ROS1: variants seen among roughly 807,000 people sequenced by gnomAD.
ROS1 encodes the protein ROS proto-oncogene 1, receptor tyrosine kinase.
A neutral mutation model predicts 273.5 loss-of-function variants in ROS1; 263 were observed. That is an observed-to-expected ratio of 0.96 (90% CI 0.87 to 1.06). The LOEUF (loss-of-function observed/expected upper bound fraction) is 1.06, where lower values mean the gene tolerates loss of function less well. Ranked by LOEUF, ROS1 falls within the 50% of genes least tolerant of loss-of-function variation. ROS1 has a pLI of 0.00. For synonymous variants in ROS1, 1,008 were observed against 954.1 expected (o/e 1.06, Z -1.04); for missense variants, 2,833 against 2,751.1 (o/e 1.03, Z -0.67).
At chr6:117,421,152 G>A (rs184497414) in intron 1 of ROS1, among the ~76,000 whole-genome samples, 10 of 147,840 alleles carry the variant, frequency 6.8e-5, no homozygotes, top group Admixed American at 2.0e-4. Context: ...ATGCTTTTTA[G>A]CCATTTTTAT....
At chr6:117,411,194 C>T (rs149483585) in intron 4 of ROS1, among the ~76,000 whole-genome samples, 1 of 151,632 alleles carries the variant, frequency 6.6e-6, no homozygotes, top group Non-Finnish European at 1.5e-5. Flanking sequence ...GGAGGCAAAG[C>T]TAACAACTAC....
chr6:117,360,026 A>T lies in ROS1; in HGVS notation c.3431-15T>A. 1.2e-6 allele frequency: 2 copies of T among 1,601,082 alleles called. No homozygotes were observed. Among genetic ancestry groups the T allele is most frequent in the South Asian group, 1.1e-5 (1 of 90,474 alleles). On this transcript the variant is annotated splice_polypyrimidine_tract_variant and intron_variant, in intron 23 of 43. Transcript: ENST00000368507. ...TGGGTTGATTTCTGAAAGCAAAAAA[A>T]CATGTAGATAATATGCATGAGAAAA...
intron 38 of ROS1, 81 bp downstream of exon 38, chr6:117,318,105 TCA>T (rs1298129838): frequency 2.1e-6 from 2 of 946,296 alleles, no homozygotes; most frequent in African/African-American, 3.2e-5. Flanking sequence ...ATCCGTTAAG[TCA>T]TGTCATTTTG....
intron 31 of ROS1, among the ~76,000 whole-genome samples, chr6:117,339,718 G>A (rs182735014): frequency 2.0e-5 from 3 of 152,212 alleles, no homozygotes; most frequent in Admixed American, 2.0e-4. Flanking sequence ...AACCTGTGTT[G>A]AGCAAATGTG....
chr6:117,369,814 A>G lies in ROS1; in HGVS notation c.2583-3524T>C, dbSNP rs375988317. Among the ~76,000 whole-genome samples, 483 of 152,242 alleles carry G rather than the reference A, an allele frequency of 3.2e-3. 2 individuals are homozygous for G. The highest frequency in any genetic ancestry group is 0.011 in the African/African-American group (460 of 41,544). On this transcript the variant is annotated intron_variant, in intron 18 of 43. Transcript: ENST00000368507. ...ATACTTGATATGAAGTAATTGATCAATCAGATTTGTTGTGTTTATGTGCTT... is the reference window on the plus strand; with the variant it reads ...ATACTTGATATGAAGTAATTGATCAGTCAGATTTGTTGTGTTTATGTGCTT...
At chr6:117,393,012 T>C (rs1342542989) in intron 12 of ROS1, among the ~76,000 whole-genome samples, 1 of 152,104 alleles carries the variant, frequency 6.6e-6, no homozygotes, top group African/African-American at 2.4e-5. Flanking sequence ...GAGAGAGAAA[T>C]AACTACTTTA....
intron 34 of ROS1, 123 bp downstream of exon 34, chr6:117,326,094 TATATATA>T: frequency 1.2e-4 from 2 of 16,740 alleles, no homozygotes; most frequent in Non-Finnish European, 2.5e-4. Context: ...AATAAGATTA[TATATATA>T]TATATATATA....
At chr6:117,375,826 A>G (rs1284461871) in intron 18 of ROS1, among the ~76,000 whole-genome samples, 1 of 152,114 alleles carries the variant, frequency 6.6e-6, no homozygotes, top group African/African-American at 2.4e-5. Context: ...AAAGCACCCA[A>G]ATACATTAAC....
chr6:117,414,955 C>G (rs1421327358), intron 3 of ROS1, among the ~76,000 whole-genome samples: 2 of 152,156 alleles, frequency 1.3e-5, no homozygotes, highest in African/African-American at 4.8e-5. Context: ...AGCAGCCACA[C>G]AGCCTCCTGG....
At chr6:117,414,581 G>A (rs1411475784) in intron 3 of ROS1, 36 bp from the exon 4 acceptor site, 1 of 721,804 alleles carries the variant, frequency 1.4e-6, no homozygotes, top group Non-Finnish European at 2.5e-6. Flanking sequence ...TTAAAATCTT[G>A]AAAGTTGTAA....
At position 117,357,862 on chromosome 6, in the gene ROS1, C is replaced by T. The variant is rs1223560262; in HGVS notation, c.3781G>A (p.Val1261Met). ...LEHKVKYPREVKIHNRNSTII... is the reference protein window; with the variant it reads ...LEHKVKYPREMKIHNRNSTII... ...GTTGAATTCCTATTGTGAATCTTCA[C>T]CTCTCTGGGATATTTCACCTTGTGT... Residue 1261 changes from valine to methionine, a missense_variant, in exon 25 of 44, where the codon GTG becomes ATG. Val to Met is a conservative substitution (Grantham distance 21). Transcript: ENST00000368507. 1 of 1,613,462 alleles carries T rather than the reference C, an allele frequency of 6.2e-7. No homozygotes were observed. The highest frequency in any genetic ancestry group is 1.3e-5 in the African/African-American group (1 of 74,926).
chr6:117,387,102 A>G (rs764740835), intron 14 of ROS1, 103 bp from the exon 15 acceptor site: 8 of 525,098 alleles, frequency 1.5e-5, no homozygotes, highest in Non-Finnish European at 2.0e-5. Context: ...GATTTTCTAT[A>G]TAAAGTAAAA....
intron 15 of ROS1, among the ~76,000 whole-genome samples, chr6:117,386,630 C>T (rs1233332840): frequency 6.6e-6 from 1 of 152,224 alleles, no homozygotes; most frequent in Non-Finnish European, 1.5e-5. Context: ...TAGATTAATA[C>T]ATCAGCATTA....
Position 117,366,229 on chromosome 6 carries a change from C to T in ROS1, c.2644G>A (p.Ala882Thr). The T allele has an allele frequency of 6.2e-7, 1 of 1,614,074 alleles. No homozygotes were observed. The highest frequency in any genetic ancestry group is 8.5e-7 in the Non-Finnish European group (1 of 1,179,978). The change falls in exon 19 of 44, where the codon GCA (alanine) becomes ACA (threonine). Residue 882 changes from alanine to threonine, a missense_variant. Coordinates refer to ENST00000368507, the MANE Select transcript of ROS1 (RefSeq NM_001378902.1). ...AGCCGACCACTATAGTACATCAGTG[C>T]ATTCTGGGAAATTTCAGAAGTACTC... is the stretch of plus-strand genomic sequence containing the variant. ...AWSTSEISQN[A>T]LMYYSGRLFW... is the part of the protein sequence containing the mutation.
In ROS1 at chr6:117,288,636, A is replaced by G. The variant is rs1773599439; in HGVS notation, c.6882T>C (p.Cys2294=). 2 of 1,614,096 alleles carry G rather than the reference A, an allele frequency of 1.2e-6. No individual in the cohort carries two copies. The highest frequency in any genetic ancestry group is 2.2e-5 in the East Asian group (1 of 44,864). Residue 2294 remains cysteine, a synonymous_variant, in exon 44 of 44, where the codon TGT becomes TGC. Coordinates refer to ENST00000368507, the MANE Select transcript of ROS1 (RefSeq NM_001378902.1). Reference sequence around the variant, plus strand: ...GTTCCTTCTCTTCTTTCCTCAGACCACAAGATTCAGATTCCTGGGAGCCTA... The same window carrying G: ...GTTCCTTCTCTTCTTTCCTCAGACCGCAAGATTCAGATTCCTGGGAGCCTA... The part of the protein sequence containing the change: ...GPLGSQESES[C]GLRKEEKEPH...
rs369090262 is a variant in ROS1 at position 117,409,554 on chromosome 6, T to C, written c.316+28A>G. 23 of 1,583,830 alleles carry C rather than the reference T, an allele frequency of 1.5e-5. No individual in the cohort carries two copies. In the African/African-American group the frequency reaches 3.0e-4, roughly 20 times the overall value. On this transcript the variant is annotated intron_variant, in intron 5 of 43. Coordinates refer to ENST00000368507, the MANE Select transcript of ROS1 (RefSeq NM_001378902.1). Reference sequence around the variant, plus strand: ...AAGTCACTAGAGTGGTGCAGCCTATTTTTTAAAAGTCGTGTGTGTCCTCTT... The same window carrying C: ...AAGTCACTAGAGTGGTGCAGCCTATCTTTTAAAAGTCGTGTGTGTCCTCTT...
chr6:117,383,729 C>T (rs887320971), intron 16 of ROS1, among the ~76,000 whole-genome samples: 2 of 152,152 alleles, frequency 1.3e-5, no homozygotes, highest in African/African-American at 4.8e-5. Context: ...TGTTTTCATG[C>T]CTCCAAAGAG....
intron 28 of ROS1, 53 bp downstream of exon 28, chr6:117,344,007 T>C: frequency 6.8e-7 from 1 of 1,469,616 alleles, no homozygotes; most frequent in Non-Finnish European, 9.5e-7. Flanking sequence ...CATAATTTTA[T>C]ATCAAAAAAG....
chr6:117,323,342 CTG>C (rs1298799488), intron 35 of ROS1, among the ~76,000 whole-genome samples: 1 of 152,150 alleles, frequency 6.6e-6, no homozygotes, highest in Non-Finnish European at 1.5e-5. Context: ...AAAGTGTTGG[CTG>C]TCTTTATCCT....
Sources: allele counts gnomAD v4.1 joint callset (sites outside exome capture counted in the v4.1 genomes callset), GRCh38; gene constraint gnomAD v4.1.1; transcripts MANE v1.5; gene names NCBI Gene and HGNC (gene_info 2026-07-23, HGNC 2026-07-21).